The following P4HA1 variants were observed in gnomAD, a reference collection of about 807,000 sequenced individuals.
The protein encoded by P4HA1 is prolyl 4-hydroxylase subunit alpha 1.
Under a neutral mutation model 72.8 loss-of-function variants are expected in P4HA1, and 24 were observed. The ratio of observed to expected loss-of-function variants is 0.33; its 90% CI spans 0.24 to 0.46. P4HA1 has a LOEUF of 0.46. Among genes scored for constraint, P4HA1 ranks in the 20% least tolerant of loss-of-function variants. P4HA1 has a pLI of 1.00. For synonymous variants in P4HA1, 201 were observed against 218.8 expected (o/e 0.92, Z 0.72); for missense variants, 446 against 640.6 (o/e 0.70, Z 3.28).
chr10:73,084,703 T>C (rs1019710917), intron 1 of P4HA1, among the ~76,000 whole-genome samples: 3 of 152,214 alleles, frequency 2.0e-5, no homozygotes, highest in African/African-American at 7.2e-5. Context: ...ATGACCGTTA[T>C]ATACAAAGAA....
chr10:73,051,948 C>T (rs963282124), intron 6 of P4HA1, among the ~76,000 whole-genome samples: 2 of 152,090 alleles, frequency 1.3e-5, no homozygotes, highest in African/African-American at 4.8e-5. Flanking sequence ...AAAACAATCA[C>T]ATGAGGAAGA....
chr10:73,016,951 C>A, intron 10 of P4HA1, 52 bp from the exon 11 acceptor site: 1 of 1,419,504 alleles, frequency 7.0e-7, no homozygotes, highest in Admixed American at 1.9e-5. Context: ...GATTACTATT[C>A]AAAAAAAATC....
intron 12 of P4HA1, 69 bp downstream of exon 12, chr10:73,014,155 A>C: frequency 9.5e-7 from 1 of 1,056,956 alleles, no homozygotes; most frequent in South Asian, 1.3e-5. Flanking sequence ...CACAGAACAA[A>C]CTTAAAACAT....
At chr10:73,039,453 C>T (rs1470157620) in intron 9 of P4HA1, among the ~76,000 whole-genome samples, 1 of 151,950 alleles carries the variant, frequency 6.6e-6, no homozygotes, top group East Asian at 1.9e-4. Flanking sequence ...ACCACAGGCA[C>T]CCGCCACCAT....
chr10:73,094,470 T>A (rs930822588), intron 1 of P4HA1, among the ~76,000 whole-genome samples: 4 of 152,212 alleles, frequency 2.6e-5, no homozygotes, highest in African/African-American at 9.6e-5. Context: ...GACCACACCT[T>A]TCATCAGATT....
intron 1 of P4HA1, among the ~76,000 whole-genome samples, chr10:73,079,044 AAAG>A (rs761852808): frequency 2.6e-5 from 4 of 152,258 alleles, no homozygotes; most frequent in Middle Eastern, 3.2e-3. Context: ...CTAAACTTTT[AAAG>A]AAGTAGTTAA....
intron 1 of P4HA1, among the ~76,000 whole-genome samples, chr10:73,092,428 C>G (rs189052292): frequency 1.4e-4 from 20 of 147,274 alleles, no homozygotes; most frequent in African/African-American, 5.0e-4. Flanking sequence ...TAGCTCACTG[C>G]AGCTTCCAAC....
chr10:73,073,183 A>AG (rs1418891580), intron 3 of P4HA1, among the ~76,000 whole-genome samples: 3 of 151,016 alleles, frequency 2.0e-5, no homozygotes, highest in African/African-American at 7.3e-5. Flanking sequence ...AAAAAAAAAA[A>AG]AAATGTATCA....
intron 7 of P4HA1, among the ~76,000 whole-genome samples, chr10:73,048,101 G>A (rs1840918251): frequency 1.3e-5 from 2 of 152,078 alleles, no homozygotes; most frequent in South Asian, 4.1e-4. Flanking sequence ...GCAGGAATAT[G>A]AGTAGTCTGT....
At chr10:73,088,513 C>G (rs1381531944) in intron 1 of P4HA1, among the ~76,000 whole-genome samples, 3 of 152,178 alleles carry the variant, frequency 2.0e-5, no homozygotes, top group Non-Finnish European at 4.4e-5. Context: ...AAAACCAAAG[C>G]CACCCACCCT....
chr10:73,037,308 TAA>T (rs202154662), intron 9 of P4HA1, among the ~76,000 whole-genome samples: 13 of 120,074 alleles, frequency 1.1e-4, no homozygotes, highest in Non-Finnish European at 1.6e-4. Context: ...TTTCCGCTGT[TAA>T]AAAAAAAAAA....
intron 8 of P4HA1, 91 bp from the exon 9 acceptor site, chr10:73,045,142 AG>A: frequency 1.9e-6 from 2 of 1,028,742 alleles, no homozygotes; most frequent in Non-Finnish European, 3.0e-6. Flanking sequence ...GTTTTTACAA[AG>A]GAGGCTAAAA....
At chr10:73,043,351 T>C (rs1283016861) in intron 9 of P4HA1, among the ~76,000 whole-genome samples, 3 of 152,252 alleles carry the variant, frequency 2.0e-5, no homozygotes, top group Non-Finnish European at 4.4e-5. Context: ...AAAGGAGTTC[T>C]ATTGTAATAC....
At position 73,046,169 on chromosome 10, in the gene P4HA1, T is replaced by C. The variant is rs1276302067; in HGVS notation, c.1077+756A>G. Among the ~76,000 whole-genome samples the C allele has an allele frequency of 3.3e-5, 5 of 152,170 alleles. No individual in the cohort carries two copies. In the East Asian group the frequency reaches 7.7e-4, roughly 23 times the overall value. ...TCCAAAGCCTAAAAAATATCTAATA[T>C]TGACCTTTATGGAAAAAATCTGCCA... On this transcript the variant is annotated intron_variant, in intron 8 of 14. Transcript: ENST00000394890.
At chr10:73,091,263 T>C (rs1163403799) in intron 1 of P4HA1, among the ~76,000 whole-genome samples, 2 of 151,954 alleles carry the variant, frequency 1.3e-5, no homozygotes, top group Admixed American at 6.6e-5. Context: ...AAGTAACATT[T>C]TGAGGTCCTA....
At chr10:73,070,376 C>A (rs190897451) in intron 4 of P4HA1, among the ~76,000 whole-genome samples, 1 of 151,916 alleles carries the variant, frequency 6.6e-6, no homozygotes, top group East Asian at 1.9e-4. Flanking sequence ...AAGCTCCTCT[C>A]GAACTCCTGA....
chr10:73,013,565 A>G (rs1273471751), intron 12 of P4HA1, among the ~76,000 whole-genome samples: 4 of 152,264 alleles, frequency 2.6e-5, no homozygotes, highest in Non-Finnish European at 4.4e-5. Flanking sequence ...TTAGAGATAC[A>G]TTAAGAAAAT....
intron 4 of P4HA1, among the ~76,000 whole-genome samples, chr10:73,070,290 G>T (rs1455713163): frequency 6.6e-6 from 1 of 151,270 alleles, no homozygotes; most frequent in Admixed American, 6.6e-5. Context: ...CCGACTAGCT[G>T]GGATTAAAGG....
chr10:73,008,561 TAC>T (rs1486281774), intron 14 of P4HA1, among the ~76,000 whole-genome samples: 6 of 152,218 alleles, frequency 3.9e-5, no homozygotes, highest in Admixed American at 3.3e-4. Context: ...GTGCATTTCT[TAC>T]AGTTTCCAAT....
Sources: gnomAD v4.1 joint callset for allele counts (sites outside exome capture counted in the v4.1 genomes callset) on GRCh38, gnomAD v4.1.1 for gene constraint, MANE v1.5 for transcripts, NCBI Gene and HGNC (gene_info 2026-07-23, HGNC 2026-07-21) for gene names.